The following ACYP1 variants were observed in gnomAD, a reference collection of about 807,000 sequenced individuals.
The protein encoded by ACYP1 is acylphosphatase 1, also known as acylphosphatase-1.
In ACYP1, 8 loss-of-function variants were observed where a neutral mutation model predicts 10.4. That is an observed-to-expected ratio of 0.77 (90% confidence interval 0.45 to 1.38). The LOEUF is 1.38. Among genes scored for constraint, ACYP1 ranks in the 40% most tolerant of loss-of-function variants. The pLI is 0.00. For missense variants in ACYP1, 93 were observed against 117.3 expected (o/e 0.79, Z 0.96); for synonymous variants, 38 against 40.8 (o/e 0.93, Z 0.26).
upstream of ACYP1, among the ~76,000 whole-genome samples, chr14:75,064,697 G>A (rs555423136): frequency 2.0e-5 from 3 of 152,196 alleles, no homozygotes; most frequent in African/African-American, 7.2e-5. Context: ...TTGCCCCACT[G>A]CACTCCAGCC....
chr14:75,069,155 G>C (rs1333217960), intron 1 of ACYP1: 2 of 1,478,866 alleles, frequency 1.4e-6, no homozygotes, highest in Non-Finnish European at 9.0e-7. Flanking sequence ...AACGTTGGCA[G>C]CAAGTTCCAA....
rs375216438 is a variant in ACYP1 at position 75,061,780 on chromosome 14, G to A, written c.84+1690C>T. 2.6e-6 allele frequency: 4 copies of A among 1,538,466 alleles called. No homozygotes were observed. The African/African-American group carries it at 5.4e-5, about 21-fold the overall frequency. ...GTCATTTCCTATTTGAGTGTCAGAT[G>A]GGAAGAAATGATTTTTGAATAATTA... On this transcript the variant is annotated intron_variant, in intron 2 of 2. Coordinates refer to ENST00000238618, the MANE Select transcript of ACYP1 (RefSeq NM_001107.5).
intron 2 of ACYP1, chr14:75,061,598 A>G: frequency 1.2e-6 from 1 of 865,134 alleles, no homozygotes; most frequent in Non-Finnish European, 1.8e-6. Flanking sequence ...TGGGCTATGC[A>G]TACCACTATC....
intron 2 of ACYP1, among the ~76,000 whole-genome samples, chr14:75,061,233 C>T (rs1361608442): frequency 6.6e-6 from 1 of 152,088 alleles, no homozygotes; most frequent in Admixed American, 6.6e-5. Flanking sequence ...GGAATTAGTG[C>T]AACATTTTGT....
chr14:75,057,920 G>A (rs1228599967), intron 2 of ACYP1, among the ~76,000 whole-genome samples: 2 of 110,872 alleles, frequency 1.8e-5, no homozygotes, highest in Admixed American at 1.4e-4. Context: ...AGCCGAGATC[G>A]CACTACTGCA....
At chr14:75,065,181 T>C (rs1029969151), upstream of ACYP1, among the ~76,000 whole-genome samples, 1 of 152,220 alleles carries the variant, frequency 6.6e-6, no homozygotes, top group Non-Finnish European at 1.5e-5. Flanking sequence ...CCCTTATGAT[T>C]CATGTGTGTG....
At chr14:75,069,346 A>G (rs948604510) in exon 1 of ACYP1, 27 of 1,312,042 alleles carry the variant, frequency 2.1e-5, no homozygotes, top group Non-Finnish European at 2.7e-5. Flanking sequence ...TTGCCAGACA[A>G]GGGCACACCC....
At chr14:75,061,376 G>A (rs564034855) in intron 2 of ACYP1, among the ~76,000 whole-genome samples, 1 of 152,142 alleles carries the variant, frequency 6.6e-6, no homozygotes, top group Non-Finnish European at 1.5e-5. Context: ...ATTTAAATAA[G>A]AGGCTAGATA....
At chr14:75,062,595 C>A (rs948431821) in intron 2 of ACYP1, among the ~76,000 whole-genome samples, 4 of 143,858 alleles carry the variant, frequency 2.8e-5, no homozygotes, top group African/African-American at 1.0e-4. Context: ...GCGGATGGAT[C>A]ACGAGGCCAG....
At chr14:75,057,662 G>C (rs151052116) in intron 2 of ACYP1, among the ~76,000 whole-genome samples, 1 of 151,210 alleles carries the variant, frequency 6.6e-6, no homozygotes, top group Admixed American at 6.6e-5. Flanking sequence ...AGACCATTTC[G>C]TGTTGCTATA....
chr14:75,069,392 GTTC>G (rs994755911), exon 1 of ACYP1: 4 of 963,014 alleles, frequency 4.2e-6, no homozygotes, highest in African/African-American at 3.5e-5. Context: ...AAAAGTACAA[GTTC>G]TTCTTTGAAG....
upstream of ACYP1, among the ~76,000 whole-genome samples, chr14:75,065,754 A>T (rs960142168): frequency 3.3e-5 from 5 of 152,260 alleles, no homozygotes; most frequent in African/African-American, 1.2e-4. Context: ...AAGGACAGAA[A>T]ATATTACAAA....
intron 2 of ACYP1, 89 bp downstream of exon 2, chr14:75,063,381 C>T: frequency 2.9e-6 from 3 of 1,046,728 alleles, no homozygotes; most frequent in African/African-American, 1.6e-5. Flanking sequence ...AAATAGCCAG[C>T]GGCTTCTAGT....
intron 2 of ACYP1, 133 bp from the exon 3 acceptor site, chr14:75,053,792 GA>G (rs763200571): frequency 4.0e-6 from 3 of 753,448 alleles, no homozygotes; most frequent in Non-Finnish European, 6.4e-6. Flanking sequence ...ACAGTCAAAA[GA>G]AAGACAGCAA....
chr14:75,069,072 G>A, intron 1 of ACYP1: 3 of 873,706 alleles, frequency 3.4e-6, no homozygotes, highest in Non-Finnish European at 5.0e-6. Flanking sequence ...ATTACCACGT[G>A]AGTAAAACAT....
chr14:75,059,944 G>T, intron 2 of ACYP1: 1 of 251,248 alleles, frequency 4.0e-6, no homozygotes, highest in Non-Finnish European at 7.6e-6. Context: ...ATGATTGTCA[G>T]GGGCATGGGG....
At chr14:75,053,900 G>C (rs1230242431) in intron 2 of ACYP1, among the ~76,000 whole-genome samples, 2 of 152,198 alleles carry the variant, frequency 1.3e-5, no homozygotes, top group Non-Finnish European at 2.9e-5. Flanking sequence ...ATTTTTCACT[G>C]TGTAGTCAAT....
chr14:75,055,711 A>T (rs1418640828), intron 2 of ACYP1, among the ~76,000 whole-genome samples: 2 of 151,580 alleles, frequency 1.3e-5, no homozygotes, highest in Non-Finnish European at 2.9e-5. Flanking sequence ...CAAGATTTCC[A>T]CCTTAGGATA....
upstream of ACYP1, among the ~76,000 whole-genome samples, chr14:75,068,472 G>C (rs1281384084): frequency 6.6e-6 from 1 of 151,792 alleles, no homozygotes; most frequent in African/African-American, 2.4e-5. Flanking sequence ...TCTCATAGAG[G>C]AGAGGGAAGG....
Sources: gnomAD v4.1 joint callset for allele counts (sites outside exome capture counted in the v4.1 genomes callset) on GRCh38, gnomAD v4.1.1 for gene constraint, MANE v1.5 for transcripts, NCBI Gene and HGNC (gene_info 2026-07-23, HGNC 2026-07-21) for gene names.